Variants in HIVEP2 observed in about 807,000 individuals in gnomAD.
The protein encoded by HIVEP2 is transcription factor HIVEP2.
HIVEP2 carries 14 observed loss-of-function variants against 180.7 expected under a neutral mutation model. That is an observed-to-expected ratio of 0.08 (90% confidence interval 0.05 to 0.12). The LOEUF is 0.12. Ranked by LOEUF, HIVEP2 falls within the 10% of genes least tolerant of loss-of-function variation. The pLI, the probability that HIVEP2 is intolerant of heterozygous loss-of-function variation, is 1.00. For synonymous variants in HIVEP2, 1,184 were observed against 1,136.4 expected, an observed-to-expected ratio of 1.04 and a Z score of -0.84; for missense variants, 2,579 against 3,008.5, an observed-to-expected ratio of 0.86 and a Z score of 3.34.
chr6:142,900,905 G>C (rs1278617262), intron 1 of HIVEP2, among the ~76,000 whole-genome samples: 2 of 152,162 alleles, frequency 1.3e-5, no homozygotes, highest in Non-Finnish European at 2.9e-5. Flanking sequence ...CCCTCTGACA[G>C]AATAGGTTCT....
chr6:142,944,153 C>G (rs565338223), intron 1 of HIVEP2, among the ~76,000 whole-genome samples: 1 of 152,280 alleles, frequency 6.6e-6, no homozygotes, highest in Admixed American at 6.5e-5. Context: ...CCACTGGGAA[C>G]CAAGTCCCTG....
chr6:142,760,596 A>G lies in HIVEP2; in HGVS notation c.5692T>C (p.Ser1898Pro). 1 of 1,613,268 alleles carries G rather than the reference A, an allele frequency of 6.2e-7. No individual in the cohort carries two copies. The highest frequency in any genetic ancestry group is 8.5e-7 in the Non-Finnish European group (1 of 1,179,250). Residue 1898 changes from serine to proline, a missense_variant, in exon 9 of 10, where the codon TCC (serine) becomes CCC (proline). Transcript: ENST00000367603. ...TCACCATCTGATTCCTCAGCATCGG[A>G]GAACTGATGATCAGTTGAAATGCTG... ...MSSISTDHQF[S>P]DAEESDGEDG...
chr6:142,856,998 T>C lies in HIVEP2; in HGVS notation c.-640-19951A>G, dbSNP rs147569070. Among the ~76,000 whole-genome samples, 521 of 152,354 alleles carry C rather than the reference T, an allele frequency of 3.4e-3. 4 individuals are homozygous for C. The highest frequency in any genetic ancestry group is 0.017 in the Middle Eastern group (5 of 294). ...AAAAGGACAAAAATCTAGTCAGGTG[T>C]TGCCCAAATGGTCTCCTCTGTGATC... On this transcript the variant is annotated intron_variant, in intron 1 of 9. Coordinates refer to ENST00000367603, the MANE Select transcript of HIVEP2 (RefSeq NM_006734.4).
At chr6:142,793,630 T>TTCCTTCTTTCTTTC (rs1407549255) in intron 2 of HIVEP2, among the ~76,000 whole-genome samples, 1 of 28,012 alleles carries the variant, frequency 3.6e-5, no homozygotes, top group African/African-American at 1.3e-4. Flanking sequence ...TTCTCTTTCT[T>TTCCTTCTTTCTTTC]TCTTTCTTTC....
At chr6:142,918,434 C>G in intron 1 of HIVEP2, among the ~76,000 whole-genome samples, 1 of 152,244 alleles carries the variant, frequency 6.6e-6, no homozygotes, top group East Asian at 1.9e-4. Context: ...CGGCATTCTT[C>G]TAGCTGCATC....
At chr6:142,874,396 C>A (rs1407356869) in intron 1 of HIVEP2, among the ~76,000 whole-genome samples, 3 of 151,918 alleles carry the variant, frequency 2.0e-5, no homozygotes, top group Non-Finnish European at 4.4e-5. Flanking sequence ...TTTAAAAAAT[C>A]TATTTTTATC....
chr6:142,904,158 C>T (rs748123067), intron 1 of HIVEP2, among the ~76,000 whole-genome samples: 33 of 152,242 alleles, frequency 2.2e-4, no homozygotes, highest in Non-Finnish European at 2.5e-4. Flanking sequence ...AATTTCAACT[C>T]GTATTTGGCA....
At chr6:142,862,926 A>C (rs1468765954) in intron 1 of HIVEP2, among the ~76,000 whole-genome samples, 1 of 133,704 alleles carries the variant, frequency 7.5e-6, no homozygotes, top group Non-Finnish European at 1.6e-5. Flanking sequence ...AAAATGTAAT[A>C]TATTGTACTT....
chr6:142,921,493 C>A (rs1448875433), intron 1 of HIVEP2, among the ~76,000 whole-genome samples: 1 of 150,200 alleles, frequency 6.7e-6, no homozygotes, highest in Non-Finnish European at 1.5e-5. Context: ...CGAGATTGTG[C>A]CACTGCACTC....
At position 142,773,438 on chromosome 6, in the gene HIVEP2, G is replaced by T; in HGVS notation, c.1301C>A (p.Pro434Gln). ...IIFGKYCRLS[P>Q]RNALSVTTTS... ...GGTTGTAACACTGAGTGCATTTCTC[G>T]GACTAAGCCGACAGTATTTTCCAAA... is the stretch of plus-strand genomic sequence containing the variant. Residue 434 changes from proline (P) to glutamine (Q), a missense_variant, in exon 5 of 10, where the codon CCG becomes CAG. Coordinates refer to ENST00000367603, the MANE Select transcript of HIVEP2 (RefSeq NM_006734.4). The T allele has an allele frequency of 6.2e-7, 1 of 1,614,144 alleles. No individual in the cohort carries two copies. The highest frequency in any genetic ancestry group is 8.5e-7 in the Non-Finnish European group (1 of 1,180,032).
intron 9 of HIVEP2, among the ~76,000 whole-genome samples, chr6:142,756,744 G>GT (rs1775082069): frequency 6.6e-6 from 1 of 151,414 alleles, no homozygotes; most frequent in Non-Finnish European, 1.5e-5. Flanking sequence ...CGAACCATGC[G>GT]TAGTAGACCC....
intron 1 of HIVEP2, among the ~76,000 whole-genome samples, chr6:142,839,141 T>C (rs1352326440): frequency 6.6e-6 from 1 of 152,176 alleles, no homozygotes; most frequent in Non-Finnish European, 1.5e-5. Context: ...ATCTGTTGCC[T>C]GTGCAACAGG....
Position 142,775,247 on chromosome 6 carries a change from A to G in HIVEP2, c.-387-122T>C, listed in dbSNP as rs117126907. The G allele has an allele frequency of 3.8e-3, 675 of 179,412 alleles. 1 individual carries two copies. Among genetic ancestry groups the G allele is most frequent in the Non-Finnish European group, 5.5e-3 (515 of 92,886 alleles). 11.1% of individuals were successfully genotyped at this position (179,412 alleles called of 1,614,324 possible). ...ATTTGAAATGTTTTTTACTCCAAGG[A>G]ATTATTTTTATTGAGATTACATTAA... On this transcript the variant is annotated intron_variant, in intron 4 of 9. Transcript: ENST00000367603.
intron 2 of HIVEP2, among the ~76,000 whole-genome samples, chr6:142,785,124 C>T (rs1344172101): frequency 6.6e-6 from 1 of 151,738 alleles, no homozygotes; most frequent in Non-Finnish European, 1.5e-5. Flanking sequence ...CTCCTGACCT[C>T]GTGATCCACC....
chr6:142,808,349 A>C (rs1776604010), intron 2 of HIVEP2, among the ~76,000 whole-genome samples: 1 of 152,038 alleles, frequency 6.6e-6, no homozygotes, highest in African/African-American at 2.4e-5. Context: ...GGAGGGATGA[A>C]GGAAGGGACG....
intron 2 of HIVEP2, among the ~76,000 whole-genome samples, chr6:142,793,673 T>TTCTTTCTTTCTTTCTTTCTTTCTCTCTC (rs1289211652): frequency 5.6e-5 from 6 of 107,508 alleles, no homozygotes; most frequent in African/African-American, 2.2e-4. Flanking sequence ...CTTTCTTTCT[T>TTCTTTCTTTCTTTCTTTCTTTCTCTCTC]TCTCTCTCTC....
intron 2 of HIVEP2, among the ~76,000 whole-genome samples, chr6:142,807,344 G>A (rs1294838647): frequency 1.3e-5 from 2 of 152,110 alleles, no homozygotes; most frequent in Admixed American, 6.6e-5. Context: ...TTGCATTGAC[G>A]CCAACCAGTT....
chr6:142,774,422 G>C lies in HIVEP2; in HGVS notation c.317C>G (p.Pro106Arg), dbSNP rs767017378. 4 of 1,614,062 alleles carry C rather than the reference G, an allele frequency of 2.5e-6. No individual in the cohort carries two copies. In the African/African-American group the frequency reaches 5.3e-5, roughly 22 times the overall value. ...HSLSFPQHSL[P>R]QGVMHSTKPH... ...CTTGGTGCTGTGCATGACCCCCTGT[G>C]GCAATGAGTGCTGAGGGAAAGAGAG... Residue 106 changes from proline (P) to arginine (R), a missense_variant, in exon 5 of 10, where the codon CCA (proline) becomes CGA (arginine). Coordinates refer to ENST00000367603, the MANE Select transcript of HIVEP2 (RefSeq NM_006734.4). The surrounding 1 kb of genome is among the most constrained non-coding windows in gnomAD (Gnocchi z 5.1).
At chr6:142,944,417 C>G (rs138727453) in intron 1 of HIVEP2, among the ~76,000 whole-genome samples, 1,685 of 149,180 alleles carry the variant, frequency 0.011, 13 homozygotes, top group Middle Eastern at 0.027. Flanking sequence ...GCACCCCCTC[C>G]CCCACACACC....
Sources: gnomAD v4.1 joint callset for allele counts (sites outside exome capture counted in the v4.1 genomes callset) on GRCh38, gnomAD v4.1.1 for gene constraint, Gnocchi (gnomAD v3.1) non-coding constraint, MANE v1.5 for transcripts, NCBI Gene and HGNC (gene_info 2026-07-23, HGNC 2026-07-21) for gene names.